PPFIA4: variants seen among roughly 807,000 people sequenced by gnomAD.
PPFIA4 encodes liprin-alpha-4.
Under a neutral mutation model 145.7 loss-of-function variants are expected in PPFIA4, and 98 were observed. The ratio of observed to expected loss-of-function variants is 0.67; its 90% CI spans 0.57 to 0.80. PPFIA4 has a LOEUF of 0.80. Ranked by LOEUF, PPFIA4 falls within the 30% of genes least tolerant of loss-of-function variation. The pLI is 0.00. For synonymous variants in PPFIA4, 628 were observed against 649.6 expected (o/e 0.97, Z 0.51); for missense variants, 1,457 against 1,632.7 (o/e 0.89, Z 1.85).
At position 203,059,583 on chromosome 1, in the gene PPFIA4, C is replaced by T. The variant is rs4590732; in HGVS notation, c.2502-187C>T. Among the ~76,000 whole-genome samples, 12 of 152,058 alleles carry T rather than the reference C, an allele frequency of 7.9e-5. 1 individual carries two copies. The highest frequency in any genetic ancestry group is 1.9e-4 in the East Asian group (1 of 5,174). The stretch of plus-strand genomic sequence containing the variant: ...GAGCTCCTCGCCCTCTTGGGGTGGT[C>T]AGGTGTTCCTGCCCCATTTCTTGTT... On this transcript the variant is annotated intron_variant, in intron 20 of 29. Coordinates refer to ENST00000295706, the MANE Select transcript of PPFIA4 (RefSeq NM_001304331.2).
intron 15 of PPFIA4, 50 bp downstream of exon 15, chr1:203,054,011 C>T (rs1571705731): frequency 6.5e-7 from 1 of 1,535,830 alleles, no homozygotes; most frequent in Non-Finnish European, 8.8e-7. Flanking sequence ...GGCAGGGGGG[C>T]CCTTTGTGTT....
At chr1:203,045,346 G>A (rs375444023) in intron 6 of PPFIA4, 22 bp from the exon 7 acceptor site, 1,268 of 1,545,444 alleles carry the variant, frequency 8.2e-4, no homozygotes, top group Non-Finnish European at 1.0e-3. Flanking sequence ...GACTCACAGA[G>A]CTACTGTCCC....
At chr1:203,050,620 GA>G (rs1403234431) in intron 13 of PPFIA4, among the ~76,000 whole-genome samples, 1 of 152,194 alleles carries the variant, frequency 6.6e-6, no homozygotes, top group African/African-American at 2.4e-5. Flanking sequence ...GATATGTGTG[GA>G]GGGGCAGTGG....
At chr1:203,070,538 TGCCACTGCACTCCA>T (rs1355421100) in intron 27 of PPFIA4, among the ~76,000 whole-genome samples, 1 of 139,216 alleles carries the variant, frequency 7.2e-6, no homozygotes, top group Non-Finnish European at 1.5e-5. Context: ...GCCATGATTG[TGCCACTGCACTCCA>T]GCCTGGGCAA....
In PPFIA4 at chr1:203,056,105, C is replaced by T. The variant is rs770689336; in HGVS notation, c.2071-15C>T. ...AGAGGGTGAGTCTGAGCTTACCCAT[C>T]CCTCTCTCTTGCAGCCCAGTGACTT... On this transcript the variant is annotated splice_polypyrimidine_tract_variant and intron_variant, in intron 16 of 29. Transcript: ENST00000295706. 3 of 1,613,972 alleles carry T rather than the reference C, an allele frequency of 1.9e-6. No individual in the cohort carries two copies. The highest frequency in any genetic ancestry group is 2.5e-6 in the Non-Finnish European group (3 of 1,179,878).
rs1659830673 is a variant in PPFIA4, at chr1:203,043,334, C to A, written c.235-63C>A. On this transcript the variant is annotated intron_variant, in intron 2 of 29. Transcript: ENST00000295706. The surrounding 1 kb of genome is among the most constrained non-coding windows in gnomAD (Gnocchi z 4.4). ...GTGAGAGGATCCCACCACTGACTTG[C>A]ATGTGCAGGACACTGCTTTGGGGGT... 7.0e-7 allele frequency: 1 copy of A among 1,420,060 alleles called. No individual in the cohort carries two copies. Among genetic ancestry groups the A allele is most frequent in the Non-Finnish European group, 9.7e-7 (1 of 1,026,310 alleles). The allele number at this position is 1,420,060 out of a possible 1,614,324, so 88.0% of individuals were successfully genotyped here.
intron 13 of PPFIA4, among the ~76,000 whole-genome samples, chr1:203,050,260 C>T (rs924265261): frequency 1.3e-5 from 2 of 152,226 alleles, no homozygotes; most frequent in Non-Finnish European, 2.9e-5. Flanking sequence ...ATCCTATGGA[C>T]TTGGCATCCC....
Position 203,028,256 on chromosome 1 carries a change from G to A in PPFIA4, c.-400+1627G>A, listed in dbSNP as rs368497962. Among the ~76,000 whole-genome samples the A allele has an allele frequency of 3.3e-5, 5 of 152,272 alleles. No homozygotes were observed. In the East Asian group the frequency reaches 5.8e-4, roughly 18 times the overall value. ...ATGTCAGAACCGTGTGGTGCATGAG[G>A]TCTGGCTGCTGGGCTGTAAAGGAGG... On this transcript the variant is annotated intron_variant, in intron 1 of 29. Transcript: ENST00000295706.
chr1:203,049,883 G>A, intron 13 of PPFIA4, 116 bp downstream of exon 13: 1 of 898,962 alleles, frequency 1.1e-6, no homozygotes. Context: ...TCCTGTTCAG[G>A]GTGGGACACT....
At chr1:203,037,678 T>A (rs1387330633) in intron 1 of PPFIA4, among the ~76,000 whole-genome samples, 1 of 152,226 alleles carries the variant, frequency 6.6e-6, no homozygotes, top group Non-Finnish European at 1.5e-5. Context: ...GCTCAACGTA[T>A]CAGCAGAGCC....
rs1571695325 is a variant in PPFIA4, at chr1:203,049,897, G to C, written c.1511+130G>C. ...CTCCTGTTCAGGGTGGGACACTGAG[G>C]CTCAGATAACTTGGTCAGAGTCACC... On this transcript the variant is annotated intron_variant, in intron 13 of 29. Transcript: ENST00000295706. 1.3e-5 allele frequency: 10 copies of C among 781,156 alleles called. No homozygotes were observed. In the East Asian group the frequency reaches 3.3e-4, roughly 26 times the overall value. 48.4% of individuals were successfully genotyped at this position (781,156 alleles called of 1,614,324 possible). A position where few individuals can be genotyped will look rare whatever the true frequency, so the allele number is the denominator to read the frequency against.
Position 203,073,691 on chromosome 1 carries a change from C to T in PPFIA4, c.3394-1886C>T, listed in dbSNP as rs145530040. On this transcript the variant is annotated intron_variant, in intron 28 of 29. Coordinates refer to ENST00000295706, the MANE Select transcript of PPFIA4 (RefSeq NM_001304331.2). ...TTCTCCCTGCATATGGAGATGAGGA[C>T]TCAAGGGAAATAAGGAAGAGGGGAG... 4.7e-3 allele frequency among the ~76,000 whole-genome samples: 709 copies of T among 152,136 alleles called. 6 individuals carry two copies. The highest frequency in any genetic ancestry group is 0.016 in the African/African-American group (670 of 41,464).
chr1:203,056,348 C>T (rs1455538263), intron 17 of PPFIA4, 27 bp from the exon 18 acceptor site: 8 of 1,611,904 alleles, frequency 5.0e-6, no homozygotes, highest in Non-Finnish European at 5.9e-6. Context: ...CTCCCTCTAT[C>T]CCCTGACGGC....
At chr1:203,059,987 G>C in intron 21 of PPFIA4, 136 bp downstream of exon 21, 1 of 824,466 alleles carries the variant, frequency 1.2e-6, no homozygotes, top group Non-Finnish European at 2.0e-6. Flanking sequence ...CTAGCATTTA[G>C]CCCCCCTCCC....
rs906598796 is a variant in PPFIA4 at position 203,068,182 on chromosome 1, G to A, written c.3149-271G>A. 5.3e-5 allele frequency among the ~76,000 whole-genome samples: 8 copies of A among 152,186 alleles called. No homozygotes were observed. The highest frequency in any genetic ancestry group is 2.1e-4 in the South Asian group (1 of 4,832). ...CCAGCTTGGGTCAGGGGGATGACCCGTGCAAGGGTTCTGGGGAGAAAGCTT... is the reference window on the plus strand; with the variant it reads ...CCAGCTTGGGTCAGGGGGATGACCCATGCAAGGGTTCTGGGGAGAAAGCTT... On this transcript the variant is annotated intron_variant, in intron 26 of 29. Coordinates refer to ENST00000295706, the MANE Select transcript of PPFIA4 (RefSeq NM_001304331.2). The surrounding 1 kb of genome is among the most constrained non-coding windows in gnomAD (Gnocchi z 4.7).
chr1:203,066,769 G>A (rs10920560), intron 25 of PPFIA4, among the ~76,000 whole-genome samples: 50,107 of 152,094 alleles, frequency 0.33, 8,602 homozygotes, highest in Middle Eastern at 0.43. Flanking sequence ...TAATTTATGC[G>A]AATTAATTAT....
rs1661004731 is a variant in PPFIA4 at position 203,056,880 on chromosome 1, T to C, written c.2337T>C (p.Ile779=). Residue 779 remains isoleucine (I), a synonymous_variant, in exon 19 of 30, where the codon ATT becomes ATC. Transcript: ENST00000295706. ...AGCGCAAGGGCATCAAGTCGTCCATTGGCCGCCTGTTTGGGAAGAAGGAGA... is the reference window on the plus strand; with the variant it reads ...AGCGCAAGGGCATCAAGTCGTCCATCGGCCGCCTGTTTGGGAAGAAGGAGA... ...GAKRKGIKSS[I]GRLFGKKEKG... 1 of 1,614,068 alleles carries C rather than the reference T, an allele frequency of 6.2e-7. No individual in the cohort carries two copies. Among genetic ancestry groups the C allele is most frequent in the Middle Eastern group, 1.6e-4 (1 of 6,062 alleles).
At chr1:203,053,405 C>T (rs896330322) in intron 14 of PPFIA4, among the ~76,000 whole-genome samples, 2 of 152,182 alleles carry the variant, frequency 1.3e-5, no homozygotes, top group East Asian at 3.9e-4. Context: ...TGGTGGCGTG[C>T]GCTTGTAATC....
At chr1:203,033,232 C>T (rs1433040465) in intron 1 of PPFIA4, among the ~76,000 whole-genome samples, 4 of 152,174 alleles carry the variant, frequency 2.6e-5, no homozygotes, top group Non-Finnish European at 5.9e-5. Context: ...AACCTGATCA[C>T]AGAGGGGTAA....
Sources: allele counts gnomAD v4.1 joint callset (sites outside exome capture counted in the v4.1 genomes callset), GRCh38; gene constraint gnomAD v4.1.1; non-coding constraint Gnocchi (gnomAD v3.1); transcripts MANE v1.5; gene names NCBI Gene and HGNC (gene_info 2026-07-23, HGNC 2026-07-21).